Variants in PKIB observed in about 807,000 individuals in gnomAD.
PKIB encodes the protein PKI-beta.
Under a neutral mutation model 4.5 loss-of-function variants are expected in PKIB, and 2 were observed. The observed-to-expected ratio is 0.44, with a 90% CI of 0.18 to 1.39. The LOEUF (loss-of-function observed/expected upper bound fraction) is 1.39, where lower values mean the gene tolerates loss of function less well. PKIB is among the 40% of genes most tolerant of loss of function. The pLI, the probability that PKIB is intolerant of heterozygous loss-of-function variation, is 0.27. For missense variants in PKIB, 94 were observed against 92.6 expected (o/e 1.02, Z -0.06); for synonymous variants, 38 against 36.0 (o/e 1.06, Z -0.20).
chr6:122,685,353 G>T (rs543716756), intron 3 of PKIB, among the ~76,000 whole-genome samples: 6 of 152,052 alleles, frequency 3.9e-5, no homozygotes, highest in Admixed American at 1.3e-4. Context: ...AGAAAGAGAA[G>T]AATCTTAGGT....
chr6:122,553,876 C>A (rs1384615865), intron 2 of PKIB, among the ~76,000 whole-genome samples: 1 of 152,108 alleles, frequency 6.6e-6, no homozygotes, highest in Non-Finnish European at 1.5e-5. Flanking sequence ...GACTGCACCA[C>A]CCTGCTATTT....
chr6:122,723,714 T>C (rs922333543), intron 4 of PKIB, among the ~76,000 whole-genome samples: 2 of 152,184 alleles, frequency 1.3e-5, no homozygotes, highest in African/African-American at 4.8e-5. Context: ...CTATATAGAA[T>C]TCTTCTTCAC....
At chr6:122,557,477 C>G (rs1392189048) in intron 2 of PKIB, among the ~76,000 whole-genome samples, 1 of 152,114 alleles carries the variant, frequency 6.6e-6, no homozygotes, top group South Asian at 2.1e-4. Context: ...ATCTTTTTCC[C>G]TGTAAGATTG....
intron 2 of PKIB, among the ~76,000 whole-genome samples, chr6:122,552,489 G>T (rs1484874188): frequency 1.3e-5 from 2 of 152,108 alleles, no homozygotes; most frequent in Non-Finnish European, 1.5e-5. Flanking sequence ...TGATTCTCCT[G>T]CCTCAGCCTC....
chr6:122,611,803 T>G (rs1380924832), intron 1 of PKIB, among the ~76,000 whole-genome samples: 1 of 152,162 alleles, frequency 6.6e-6, no homozygotes, highest in Non-Finnish European at 1.5e-5. Context: ...ATGGATCAAG[T>G]TTGGTTAAAT....
At chr6:122,607,232 G>A (rs531970073), upstream of PKIB, among the ~76,000 whole-genome samples, 1 of 152,014 alleles carries the variant, frequency 6.6e-6, no homozygotes, top group South Asian at 2.1e-4. Context: ...CAAACACTGT[G>A]GAAGGCCAAG....
At chr6:122,572,653 CAA>C (rs34754113) in intron 2 of PKIB, among the ~76,000 whole-genome samples, 6 of 125,888 alleles carry the variant, frequency 4.8e-5, no homozygotes, top group African/African-American at 1.8e-4. Flanking sequence ...GAAATTGAAA[CAA>C]AAAAAAAAAC....
chr6:122,695,554 GA>G (rs1778538486), intron 3 of PKIB, among the ~76,000 whole-genome samples: 1 of 152,152 alleles, frequency 6.6e-6, no homozygotes, highest in South Asian at 2.1e-4. Context: ...ACACTATGGT[GA>G]ATATGCGGTT....
At chr6:122,531,175 C>A (rs2114617042) in intron 2 of PKIB, 1 of 152,236 alleles carries the variant, frequency 6.6e-6, no homozygotes, top group South Asian at 2.1e-4. Flanking sequence ...TTTAATATCA[C>A]AAAAGAAAAT....
In PKIB at chr6:122,717,910, C is replaced by G; in HGVS notation, c.116C>G (p.Thr39Arg). The G allele has an allele frequency of 6.2e-7, 1 of 1,614,112 alleles. No homozygotes were observed. Among genetic ancestry groups the G allele is most frequent in the Non-Finnish European group, 8.5e-7 (1 of 1,179,972 alleles). Residue 39 changes from threonine to arginine, a missense_variant, in exon 4 of 5, where the codon ACA becomes AGA. Coordinates refer to ENST00000368452, the MANE Select transcript of PKIB (RefSeq NM_181795.3). ...ALPDIQSSAATDGTSDLPLKL... is the reference protein window; with the variant it reads ...ALPDIQSSAARDGTSDLPLKL... ...CCAGACATCCAGAGTTCAGCTGCCA[C>G]AGACGGAACCTCAGATTTGCCCCTC...
At chr6:122,625,922 A>G (rs943931132) in intron 1 of PKIB, among the ~76,000 whole-genome samples, 1 of 152,108 alleles carries the variant, frequency 6.6e-6, no homozygotes, top group Non-Finnish European at 1.5e-5. Context: ...TACAACAATT[A>G]GTCAGGTGTT....
intron 2 of PKIB, among the ~76,000 whole-genome samples, chr6:122,528,615 A>G: frequency 6.6e-6 from 1 of 152,098 alleles, no homozygotes; most frequent in Non-Finnish European, 1.5e-5. Context: ...CTGTGGGCCA[A>G]GTGTGGTGGC....
At chr6:122,677,413 G>A (rs148964602) in intron 3 of PKIB, among the ~76,000 whole-genome samples, 4 of 152,084 alleles carry the variant, frequency 2.6e-5, no homozygotes, top group Middle Eastern at 3.4e-3. Context: ...GCTAACTTTT[G>A]GTTGAAGAAA....
chr6:122,644,507 C>T (rs1417261599), intron 2 of PKIB: 2 of 152,158 alleles, frequency 1.3e-5, no homozygotes, highest in African/African-American at 4.8e-5. Flanking sequence ...AACTTAATCT[C>T]TCTGTCTCTG....
chr6:122,676,162 T>C (rs150885058), intron 3 of PKIB, among the ~76,000 whole-genome samples: 55 of 151,340 alleles, frequency 3.6e-4, no homozygotes, highest in African/African-American at 1.2e-3. Flanking sequence ...TCTGGGGTGA[T>C]GGGAAACAGT....
At chr6:122,656,491 A>G (rs1776779852) in intron 2 of PKIB, among the ~76,000 whole-genome samples, 1 of 152,224 alleles carries the variant, frequency 6.6e-6, no homozygotes, top group African/African-American at 2.4e-5. Context: ...TTCCCATAAC[A>G]TCAAGCAAAG....
intron 3 of PKIB, among the ~76,000 whole-genome samples, chr6:122,597,702 A>G (rs1774222247): frequency 6.6e-6 from 1 of 151,804 alleles, no homozygotes; most frequent in Non-Finnish European, 1.5e-5. Context: ...GGTAAAGGCA[A>G]CTCTAATGGT....
chr6:122,720,779 T>G (rs1411592745), intron 4 of PKIB, among the ~76,000 whole-genome samples: 2 of 151,958 alleles, frequency 1.3e-5, no homozygotes, highest in Admixed American at 1.3e-4. Flanking sequence ...TTGGTTCGCT[T>G]CAACCTCTGC....
intron 3 of PKIB, among the ~76,000 whole-genome samples, chr6:122,702,751 T>G (rs1304587426): frequency 2.0e-5 from 3 of 152,150 alleles, no homozygotes; most frequent in Non-Finnish European, 4.4e-5. Context: ...ATTTAAATAT[T>G]GGAATTTTTC....
Sources: allele counts gnomAD v4.1 joint callset (sites outside exome capture counted in the v4.1 genomes callset), GRCh38; gene constraint gnomAD v4.1.1; transcripts MANE v1.5; gene names NCBI Gene and HGNC (gene_info 2026-07-23, HGNC 2026-07-21).